The following POLK variants were observed in gnomAD, a reference collection of about 807,000 sequenced individuals.
The protein encoded by POLK is polymerase (DNA directed) kappa.
POLK carries 76 observed loss-of-function variants against 94.0 expected under a neutral mutation model. That is an observed-to-expected ratio of 0.81 (90% CI 0.67 to 0.98). The LOEUF (loss-of-function observed/expected upper bound fraction) is 0.98, where lower values mean the gene tolerates loss of function less well. Among genes scored for constraint, POLK ranks in the 50% least tolerant of loss-of-function variants. The pLI is 0.00. For synonymous variants in POLK, 349 were observed against 325.4 expected (o/e 1.07, Z -0.78); for missense variants, 954 against 1,010.1 (o/e 0.94, Z 0.75).
At chr5:75,581,496 G>A (rs750741463) in intron 7 of POLK, 48 bp downstream of exon 7, 7 of 1,521,354 alleles carry the variant, frequency 4.6e-6, no homozygotes, top group African/African-American at 1.4e-5. Context: ...TTTTCAGACT[G>A]GCTAATTTAA....
chr5:75,562,912 C>A (rs1430644679), intron 3 of POLK, among the ~76,000 whole-genome samples: 1 of 152,148 alleles, frequency 6.6e-6, no homozygotes, highest in Non-Finnish European at 1.5e-5. Context: ...TTTGGTTTGC[C>A]AGTATTTTAT....
chr5:75,524,414 CTT>C (rs575886882), intron 1 of POLK, among the ~76,000 whole-genome samples: 1 of 152,144 alleles, frequency 6.6e-6, no homozygotes, highest in Non-Finnish European at 1.5e-5. Context: ...GCTCTCCTCT[CTT>C]AGGCTCTTGG....
intron 1 of POLK, among the ~76,000 whole-genome samples, chr5:75,544,653 A>G (rs1339621218): frequency 6.6e-6 from 1 of 152,074 alleles, no homozygotes; most frequent in Non-Finnish European, 1.5e-5. Context: ...GAATGAATGA[A>G]TGAATGAATG....
the POLK span, among the ~76,000 whole-genome samples, chr5:75,607,094 A>C: frequency 1.1e-4 from 16 of 152,272 alleles, no homozygotes; most frequent in South Asian, 1.5e-3. Flanking sequence ...TGATGACTAC[A>C]ATGTATCTCC....
exon 8 of POLK, chr5:75,583,306 T>C: frequency 3.1e-6 from 5 of 1,601,180 alleles, no homozygotes; most frequent in Non-Finnish European, 3.4e-6. Flanking sequence ...TTGCCCCAAA[T>C]ACAATGTTAG....
chr5:75,603,723 G>A (rs1194949213), downstream of POLK, among the ~76,000 whole-genome samples: 2 of 152,090 alleles, frequency 1.3e-5, no homozygotes, highest in African/African-American at 4.8e-5. Flanking sequence ...CTCCTTTCTG[G>A]CATCTGTGCT....
At chr5:75,589,587 A>T (rs576281732) in intron 10 of POLK, among the ~76,000 whole-genome samples, 21 of 152,218 alleles carry the variant, frequency 1.4e-4, no homozygotes, top group African/African-American at 5.1e-4. Flanking sequence ...AGTAGCTGGG[A>T]CTACAGGCGC....
intron 3 of POLK, among the ~76,000 whole-genome samples, chr5:75,557,315 CT>C: frequency 6.6e-6 from 1 of 152,274 alleles, no homozygotes; most frequent in African/African-American, 2.4e-5. Context: ...CTAATTGGAT[CT>C]TTTGCCTCTC....
At chr5:75,567,251 G>T (rs1771327472) in intron 3 of POLK, among the ~76,000 whole-genome samples, 1 of 152,076 alleles carries the variant, frequency 6.6e-6, no homozygotes, top group South Asian at 2.1e-4. Flanking sequence ...AAGTATTTCA[G>T]ATGCCACTTT....
chr5:75,597,765 A>G, exon 14 of POLK: 2 of 1,529,392 alleles, frequency 1.3e-6, no homozygotes, highest in Non-Finnish European at 1.8e-6. Context: ...AGTGGAGTAC[A>G]GAAGGCTGTA....
At chr5:75,580,472 G>A (rs779370274) in intron 6 of POLK, 1 of 186,068 alleles carries the variant, frequency 5.4e-6, no homozygotes, top group South Asian at 1.8e-4. Flanking sequence ...AACCAGACTG[G>A]TATTTTTACT....
intron 7 of POLK, 38 bp from the exon 8 acceptor site, chr5:75,583,255 T>A (rs1258760721): frequency 6.7e-7 from 1 of 1,494,100 alleles, no homozygotes; most frequent in Non-Finnish European, 9.0e-7. Context: ...GTCATACATA[T>A]CAACTTCTTT....
intron 1 of POLK, among the ~76,000 whole-genome samples, chr5:75,529,145 G>T (rs1404668894): frequency 6.6e-6 from 1 of 152,134 alleles, no homozygotes; most frequent in Non-Finnish European, 1.5e-5. Flanking sequence ...TCATGGTTCT[G>T]CAGGCTATAT....
chr5:75,561,352 T>C (rs1031424679), intron 3 of POLK, among the ~76,000 whole-genome samples: 1 of 152,170 alleles, frequency 6.6e-6, no homozygotes, highest in Non-Finnish European at 1.5e-5. Flanking sequence ...TTGATGGGGT[T>C]GTTTGGTTTT....
chr5:75,591,098 C>T (rs1483246768), intron 11 of POLK, among the ~76,000 whole-genome samples: 1 of 152,156 alleles, frequency 6.6e-6, no homozygotes, highest in African/African-American at 2.4e-5. Flanking sequence ...TTCAATAGAT[C>T]AGTAAGGTGA....
chr5:75,564,979 C>T (rs1342480520), intron 3 of POLK, among the ~76,000 whole-genome samples: 2 of 152,132 alleles, frequency 1.3e-5, no homozygotes, highest in Non-Finnish European at 2.9e-5. Flanking sequence ...GAGTGTTTTC[C>T]AACTTGGTTC....
intron 1 of POLK, among the ~76,000 whole-genome samples, chr5:75,536,222 G>A (rs559132412): frequency 2.0e-5 from 3 of 152,034 alleles, no homozygotes; most frequent in South Asian, 4.2e-4. Context: ...TTGGAGGAGC[G>A]CTCTCTGATT....
intron 6 of POLK, among the ~76,000 whole-genome samples, chr5:75,580,843 AAAG>A (rs1348159375): frequency 2.0e-5 from 3 of 150,958 alleles, no homozygotes; most frequent in South Asian, 2.1e-4. Context: ...TTTTCTTCCT[AAAG>A]AAGAATAAAG....
At chr5:75,573,028 A>T (rs1405324447) in intron 4 of POLK, among the ~76,000 whole-genome samples, 1 of 152,198 alleles carries the variant, frequency 6.6e-6, no homozygotes, top group East Asian at 1.9e-4. Flanking sequence ...TACCCAAAGG[A>T]TTATAAATCA....
Sources: gnomAD v4.1 joint callset for allele counts (sites outside exome capture counted in the v4.1 genomes callset) on GRCh38, gnomAD v4.1.1 for gene constraint, MANE v1.5 for transcripts, NCBI Gene and HGNC (gene_info 2026-07-23, HGNC 2026-07-21) for gene names.